Variants in FHOD3 observed in about 807,000 individuals in gnomAD.
FHOD3 encodes the protein FH1/FH2 domain-containing protein 3.
FHOD3 carries 90 observed loss-of-function variants against 173.0 expected under a neutral mutation model. The observed-to-expected ratio is 0.52, with a 90% confidence interval of 0.44 to 0.62. The LOEUF (loss-of-function observed/expected upper bound fraction) is 0.62. Ranked by LOEUF, FHOD3 falls within the 20% of genes least tolerant of loss-of-function variation. The pLI is 0.00. For synonymous variants in FHOD3, 828 were observed against 823.0 expected, an observed-to-expected ratio of 1.01 and a Z score of -0.10; for missense variants, 1,945 against 2,034.7, an observed-to-expected ratio of 0.96 and a Z score of 0.85.
intron 27 of FHOD3, among the ~76,000 whole-genome samples, chr18:36,766,157 A>C (rs55935783): frequency 0.11 from 17,005 of 152,248 alleles, 1,193 homozygotes; most frequent in Admixed American, 0.15. Flanking sequence ...GAAGCCAGAA[A>C]AAAAAGGAAT....
At chr18:36,325,190 G>A (rs901684932) in intron 1 of FHOD3, among the ~76,000 whole-genome samples, 9 of 152,032 alleles carry the variant, frequency 5.9e-5, no homozygotes, top group Non-Finnish European at 1.3e-4. Flanking sequence ...GACTGGCAGG[G>A]AGTGGTGGGG....
At chr18:36,360,575 G>GTACA (rs1468252440) in intron 2 of FHOD3, among the ~76,000 whole-genome samples, 1 of 152,182 alleles carries the variant, frequency 6.6e-6, no homozygotes, top group Non-Finnish European at 1.5e-5. Flanking sequence ...ATCTGCAGGG[G>GTACA]TACATGGGTC....
chr18:36,646,233 TTA>T (rs1281224199), intron 10 of FHOD3, among the ~76,000 whole-genome samples: 2 of 150,762 alleles, frequency 1.3e-5, no homozygotes, highest in Non-Finnish European at 2.9e-5. Context: ...TACAAAAAGT[TTA>T]TTTCTATATA....
chr18:36,363,444 T>G (rs1392619902), intron 2 of FHOD3, among the ~76,000 whole-genome samples: 1 of 152,198 alleles, frequency 6.6e-6, no homozygotes, highest in Admixed American at 6.5e-5. Flanking sequence ...GTCCATACCA[T>G]GAAATATTTT....
At chr18:36,434,366 C>T (rs554612060) in intron 3 of FHOD3, among the ~76,000 whole-genome samples, 2 of 152,218 alleles carry the variant, frequency 1.3e-5, no homozygotes, top group East Asian at 3.9e-4. Flanking sequence ...AATCAGTTGA[C>T]GGTGTATGTG....
intron 1 of FHOD3, among the ~76,000 whole-genome samples, chr18:36,317,685 A>G (rs994456445): frequency 2.6e-5 from 4 of 152,164 alleles, no homozygotes; most frequent in East Asian, 1.9e-4. Flanking sequence ...TTGCCTGTGC[A>G]CTTTGCTGAT....
chr18:36,427,389 T>C (rs1599072724), intron 3 of FHOD3, among the ~76,000 whole-genome samples: 1 of 150,364 alleles, frequency 6.7e-6, no homozygotes, highest in East Asian at 2.0e-4. Flanking sequence ...TCATCACCTC[T>C]CAGGCCACTC....
intron 24 of FHOD3, among the ~76,000 whole-genome samples, chr18:36,749,764 T>C (rs1430631199): frequency 6.6e-6 from 1 of 152,242 alleles, no homozygotes; most frequent in East Asian, 1.9e-4. Flanking sequence ...CCATACTGCT[T>C]TCCACAATGG....
At chr18:36,413,699 C>T (rs1457192301) in intron 3 of FHOD3, among the ~76,000 whole-genome samples, 2 of 152,198 alleles carry the variant, frequency 1.3e-5, no homozygotes, top group East Asian at 3.8e-4. Flanking sequence ...CCCTTATTCT[C>T]CAGAATTCAC....
intron 13 of FHOD3, among the ~76,000 whole-genome samples, chr18:36,655,463 G>A (rs1343004269): frequency 6.6e-6 from 1 of 152,044 alleles, no homozygotes; most frequent in Non-Finnish European, 1.5e-5. Context: ...AAGCTGTCCA[G>A]TTGAAGATAC....
At chr18:36,686,735 G>A (rs2038644865) in intron 15 of FHOD3, among the ~76,000 whole-genome samples, 2 of 152,050 alleles carry the variant, frequency 1.3e-5, no homozygotes, top group Non-Finnish European at 2.9e-5. Context: ...TCTTAAGATG[G>A]CTGTTATGAA....
At chr18:36,697,360 G>C (rs2039343592) in intron 17 of FHOD3, among the ~76,000 whole-genome samples, 1 of 152,096 alleles carries the variant, frequency 6.6e-6, no homozygotes, top group Non-Finnish European at 1.5e-5. Context: ...GAGATAAATG[G>C]CATTTCCCAG....
chr18:36,425,697 G>A (rs898985191), intron 3 of FHOD3, among the ~76,000 whole-genome samples: 2 of 152,066 alleles, frequency 1.3e-5, no homozygotes, highest in Non-Finnish European at 1.5e-5. Context: ...GAAAATTCTT[G>A]TTATTGAATT....
chr18:36,491,885 G>A (rs1356639861), intron 3 of FHOD3, among the ~76,000 whole-genome samples: 4 of 152,146 alleles, frequency 2.6e-5, no homozygotes, highest in African/African-American at 9.7e-5. Context: ...CCTTCTATGG[G>A]TGGGGGACAT....
At chr18:36,303,193 G>GGGGA (rs1343769992) in intron 1 of FHOD3, among the ~76,000 whole-genome samples, 1 of 152,208 alleles carries the variant, frequency 6.6e-6, no homozygotes, top group African/African-American at 2.4e-5. Context: ...ATTAACAGAT[G>GGGGA]GGGAAACTGA....
chr18:36,492,831 G>C (rs1289908859), intron 3 of FHOD3, among the ~76,000 whole-genome samples: 1 of 152,176 alleles, frequency 6.6e-6, no homozygotes, highest in African/African-American at 2.4e-5. Flanking sequence ...CAAAGCCTTT[G>C]CTTTGGCATG....
At chr18:36,603,396 G>A (rs548751648) in intron 8 of FHOD3, among the ~76,000 whole-genome samples, 17 of 152,122 alleles carry the variant, frequency 1.1e-4, no homozygotes, top group Admixed American at 1.0e-3. Context: ...GGGTGCCTGC[G>A]TGTGTTCATG....
chr18:36,455,799 T>C (rs1568295309), intron 3 of FHOD3, among the ~76,000 whole-genome samples: 1 of 152,154 alleles, frequency 6.6e-6, no homozygotes, highest in Non-Finnish European at 1.5e-5. Flanking sequence ...GGAGAATTCA[T>C]AAACAGGTTG....
chr18:36,675,286 G>T (rs1430781566), intron 14 of FHOD3, among the ~76,000 whole-genome samples: 2 of 152,000 alleles, frequency 1.3e-5, no homozygotes, highest in African/African-American at 2.4e-5. Context: ...TTTCCACGTG[G>T]TCTCCTCTGT....
Sources: allele counts gnomAD v4.1 joint callset (sites outside exome capture counted in the v4.1 genomes callset), GRCh38; gene constraint gnomAD v4.1.1; transcripts MANE v1.5; gene names NCBI Gene and HGNC (gene_info 2026-07-23, HGNC 2026-07-21).